Variants in DNAJB13 observed in about 807,000 individuals in gnomAD.
The protein encoded by DNAJB13 is DnaJ heat shock protein family (Hsp40) member B13, also known as dnaJ homolog subfamily B member 13.
In DNAJB13, 22 loss-of-function variants were observed where a neutral mutation model predicts 35.6. That is an observed-to-expected ratio of 0.62 (90% CI 0.44 to 0.88). DNAJB13 has a LOEUF of 0.88. Ranked by LOEUF, DNAJB13 falls within the 40% of genes least tolerant of loss-of-function variation. The pLI, the probability that DNAJB13 is intolerant of heterozygous loss-of-function variation, is 0.00. For missense variants in DNAJB13, 370 were observed against 384.3 expected (o/e 0.96, Z 0.31); for synonymous variants, 136 against 144.2 (o/e 0.94, Z 0.41).
chr11:73,968,526 C>A, intron 6 of DNAJB13, 68 bp downstream of exon 6: 1 of 1,361,028 alleles, frequency 7.3e-7, no homozygotes, highest in Non-Finnish European at 1.0e-6. Context: ...CCGGCCTAGA[C>A]TTGGCCTCCC....
intron 1 of DNAJB13, among the ~76,000 whole-genome samples, chr11:73,955,349 C>T (rs527276288): frequency 1.5e-3 from 225 of 151,000 alleles, no homozygotes; most frequent in Non-Finnish European, 2.4e-3. Flanking sequence ...CTCTCTGCCA[C>T]CCAGGCTGGA....
chr11:73,965,224 CGGTT>C, intron 4 of DNAJB13, 189 bp downstream of exon 4: 3 of 607,448 alleles, frequency 4.9e-6, no homozygotes, highest in Non-Finnish European at 8.0e-6. Flanking sequence ...GACATTAGCC[CGGTT>C]CTTTCCTAGT....
At chr11:73,969,857 C>G (rs1014409146) in intron 7 of DNAJB13, 104 bp from the exon 8 acceptor site, 2 of 1,420,738 alleles carry the variant, frequency 1.4e-6, no homozygotes, top group African/African-American at 2.9e-5. Flanking sequence ...ACTGCAGTGA[C>G]TGTCCCCTTC....
At chr11:73,957,994 T>C (rs917079133) in intron 1 of DNAJB13, among the ~76,000 whole-genome samples, 4 of 152,230 alleles carry the variant, frequency 2.6e-5, no homozygotes, top group Non-Finnish European at 4.4e-5. Context: ...CGCGCAAAGC[T>C]TGCCCGTTGG....
In DNAJB13 at chr11:73,970,095, G is replaced by T; in HGVS notation, c.932G>T (p.Arg311Leu). 3 of 1,606,472 alleles carry T rather than the reference G, an allele frequency of 1.9e-6. No homozygotes were observed. The highest frequency in any genetic ancestry group is 2.6e-6 in the Non-Finnish European group (3 of 1,176,078). Residue 311 changes from arginine to leucine, a missense_variant, in exon 8 of 8, where the codon CGC (arginine) becomes CTC (leucine). Transcript: ENST00000339764. ...ACACCCCAGAAGAAGCAGATGCTGC[G>T]CCAGGCATTGCTGACATGACTGTGG... ...RLTPQKKQMLRQALLT is the reference protein window; with the variant it reads ...RLTPQKKQMLLQALLT
chr11:73,966,885 CT>C (rs1309034303), intron 5 of DNAJB13, among the ~76,000 whole-genome samples: 2 of 142,472 alleles, frequency 1.4e-5, no homozygotes, highest in African/African-American at 5.5e-5. Flanking sequence ...CAGAGTCTCG[CT>C]CTGTTACCCA....
chr11:73,961,871 C>T (rs1274198656), intron 3 of DNAJB13, among the ~76,000 whole-genome samples: 1 of 152,172 alleles, frequency 6.6e-6, no homozygotes, highest in African/African-American at 2.4e-5. Context: ...CTCACTGCAA[C>T]CTCTGCCTCC....
chr11:73,957,736 C>T (rs74458248), intron 1 of DNAJB13, among the ~76,000 whole-genome samples: 3,778 of 152,298 alleles, frequency 0.025, 158 homozygotes, highest in African/African-American at 0.087. Flanking sequence ...GCGCCTCAGC[C>T]ATGCCCGCTG....
rs754762238 is a variant in DNAJB13 at position 73,959,655 on chromosome 11, G to A, written c.334G>A (p.Glu112Lys). 3 of 1,612,922 alleles carry A rather than the reference G, an allele frequency of 1.9e-6. No homozygotes were observed. The highest frequency in any genetic ancestry group is 1.7e-5 in the Admixed American group (1 of 59,978). ...CTTTGGTGGAAACAACCCCTTCAGTGGTAAGAGGTCTTCCTCCCCCACCTT... is the reference window on the plus strand; with the variant it reads ...CTTTGGTGGAAACAACCCCTTCAGTAGTAAGAGGTCTTCCTCCCCCACCTT... Reference protein sequence around the residue: ...EFFGGNNPFSEFFDAEGSEVD... With the variant: ...EFFGGNNPFSKFFDAEGSEVD... Residue 112 changes from glutamate to lysine, a missense_variant and splice_region_variant, in exon 3 of 8, where the codon GAG becomes AAG. By Grantham distance (56) the Glu-to-Lys change is moderately conservative. Coordinates refer to ENST00000339764, the MANE Select transcript of DNAJB13 (RefSeq NM_153614.4).
At chr11:73,959,702 G>T (rs373959999) in intron 3 of DNAJB13, 47 bp downstream of exon 3, 122 of 1,471,702 alleles carry the variant, frequency 8.3e-5, no homozygotes, top group Non-Finnish European at 1.1e-4. Flanking sequence ...AAAGGACACT[G>T]CTATAAGTGA....
At position 73,965,147 on chromosome 11, in the gene DNAJB13, G is replaced by A. The variant is rs187578227; in HGVS notation, c.492+112G>A. The A allele has an allele frequency of 1.7e-5, 21 of 1,222,192 alleles. 1 individual carries two copies. In the South Asian group the frequency reaches 2.0e-4, roughly 12 times the overall value. 75.7% of individuals were successfully genotyped at this position (1,222,192 alleles called of 1,614,324 possible). A position where few individuals can be genotyped will look rare whatever the true frequency, so the allele number is the denominator to read the frequency against. ...AGGGATGGTCTCTGATGGAATTATG[G>A]AACCTTAGATTCAGAGACCTAGGAT... On this transcript the variant is annotated intron_variant, in intron 4 of 7. Transcript: ENST00000339764.
chr11:73,962,077 G>C (rs943351631), intron 3 of DNAJB13, among the ~76,000 whole-genome samples: 1 of 152,198 alleles, frequency 6.6e-6, no homozygotes, highest in African/African-American at 2.4e-5. Flanking sequence ...ATAGGCATGA[G>C]CCACCATGCC....
intron 1 of DNAJB13, among the ~76,000 whole-genome samples, chr11:73,957,950 C>T (rs922635546): frequency 1.3e-5 from 2 of 152,116 alleles, no homozygotes; most frequent in Non-Finnish European, 2.9e-5. Context: ...CAGCGAGGCC[C>T]GGGGAGCAGC....
intron 1 of DNAJB13, 131 bp downstream of exon 1, chr11:73,951,268 A>G (rs1591162684): frequency 8.9e-7 from 1 of 1,119,346 alleles, no homozygotes; most frequent in Non-Finnish European, 1.3e-6. Flanking sequence ...CACTTCTTGC[A>G]TACCTGTATC....
At chr11:73,967,358 G>A (rs116045155) in intron 5 of DNAJB13, among the ~76,000 whole-genome samples, 2,066 of 152,226 alleles carry the variant, frequency 0.014, 44 homozygotes, top group African/African-American at 0.047. Flanking sequence ...TGTCCAAGGC[G>A]TGCTGAATCC....
chr11:73,963,365 GA>G (rs1205237368), intron 3 of DNAJB13, among the ~76,000 whole-genome samples: 2 of 150,402 alleles, frequency 1.3e-5, no homozygotes, highest in South Asian at 4.2e-4. Flanking sequence ...AAAGAAAAAA[GA>G]AAAAAAATGA....
chr11:73,968,485 G>A (rs542495803), intron 6 of DNAJB13, 27 bp downstream of exon 6: 87 of 1,596,768 alleles, frequency 5.4e-5, no homozygotes, highest in Admixed American at 2.7e-4. Flanking sequence ...CAGGAGCAGC[G>A]GGGAGGAGAT....
chr11:73,966,108 G>C, intron 4 of DNAJB13, 30 bp from the exon 5 acceptor site: 1 of 1,596,428 alleles, frequency 6.3e-7, no homozygotes, highest in Non-Finnish European at 8.6e-7. Flanking sequence ...GTCCTAAGCA[G>C]ACCTCCCCAC....
chr11:73,961,213 G>A (rs1290506755), intron 3 of DNAJB13, among the ~76,000 whole-genome samples: 2 of 152,172 alleles, frequency 1.3e-5, no homozygotes, highest in Non-Finnish European at 2.9e-5. Context: ...CCAGGAGGTT[G>A]AGGCTGCAGT....
Sources: allele counts gnomAD v4.1 joint callset (sites outside exome capture counted in the v4.1 genomes callset), GRCh38; gene constraint gnomAD v4.1.1; transcripts MANE v1.5; gene names NCBI Gene and HGNC (gene_info 2026-07-23, HGNC 2026-07-21).